METTL8: variants seen among roughly 807,000 people sequenced by gnomAD.
METTL8 encodes methyltransferase 8, tRNA N3-cytidine.
Under a neutral mutation model 48.7 loss-of-function variants are expected in METTL8, and 32 were observed. The ratio of observed to expected loss-of-function variants is 0.66; its 90% CI spans 0.50 to 0.88. METTL8 has a LOEUF of 0.88. METTL8 is among the 40% of genes least tolerant of loss of function. METTL8 has a pLI of 0.00. For missense variants in METTL8, 464 were observed against 474.4 expected (o/e 0.98, Z 0.20); for synonymous variants, 136 against 157.1 (o/e 0.87, Z 1.01).
chr2:171,349,742 T>C, intron 3 of METTL8, among the ~76,000 whole-genome samples: 1 of 152,216 alleles, frequency 6.6e-6, no homozygotes, highest in Admixed American at 6.5e-5. Flanking sequence ...ACTTCCATAC[T>C]GTTTTCCATA....
chr2:171,404,273 T>G (rs756229961), intron 1 of METTL8, among the ~76,000 whole-genome samples: 21 of 151,694 alleles, frequency 1.4e-4, no homozygotes, highest in Non-Finnish European at 2.7e-4. Flanking sequence ...AATGCCTACG[T>G]GATAAGATGC....
intron 1 of METTL8, among the ~76,000 whole-genome samples, chr2:171,401,622 T>C (rs1574146532): frequency 6.6e-6 from 1 of 152,172 alleles, no homozygotes; most frequent in East Asian, 1.9e-4. Context: ...CTAAGGGATT[T>C]AATGTAAGCT....
At chr2:171,406,980 C>G (rs1267281395) in intron 1 of METTL8, among the ~76,000 whole-genome samples, 1 of 151,846 alleles carries the variant, frequency 6.6e-6, no homozygotes, top group Non-Finnish European at 1.5e-5. Flanking sequence ...TTGATTTCCT[C>G]TACTACCTAG....
intron 1 of METTL8, among the ~76,000 whole-genome samples, chr2:171,405,754 A>T (rs1422415654): frequency 6.6e-6 from 1 of 152,220 alleles, no homozygotes; most frequent in Non-Finnish European, 1.5e-5. Context: ...GGAAATAAGT[A>T]CACAGAAAAC....
At chr2:171,380,412 G>C (rs1228129633) in intron 2 of METTL8, among the ~76,000 whole-genome samples, 1 of 152,186 alleles carries the variant, frequency 6.6e-6, no homozygotes, top group Non-Finnish European at 1.5e-5. Context: ...AATAAGGCTA[G>C]AGAAAGAAAT....
At chr2:171,405,949 TAAC>T (rs1457789478) in intron 1 of METTL8, among the ~76,000 whole-genome samples, 3 of 152,196 alleles carry the variant, frequency 2.0e-5, no homozygotes, top group African/African-American at 4.8e-5. Flanking sequence ...GAAAGGACAC[TAAC>T]AACATTTGAA....
intron 1 of METTL8, among the ~76,000 whole-genome samples, chr2:171,417,326 A>G (rs1328456820): frequency 1.3e-5 from 2 of 152,220 alleles, no homozygotes; most frequent in African/African-American, 4.8e-5. Context: ...TGCCAAGCTA[A>G]AAATCAGTAT....
At chr2:171,418,899 G>A (rs1276822385) in intron 1 of METTL8, among the ~76,000 whole-genome samples, 1 of 152,024 alleles carries the variant, frequency 6.6e-6, no homozygotes, top group African/African-American at 2.4e-5. Context: ...AGGCTGCAGT[G>A]AGCCGAGATC....
At chr2:171,330,404 A>G (rs1333540427) in intron 7 of METTL8, among the ~76,000 whole-genome samples, 155 bp downstream of exon 7, 2 of 152,252 alleles carry the variant, frequency 1.3e-5, no homozygotes, top group African/African-American at 2.4e-5. Context: ...AAGTACGAAG[A>G]AAGGAAAAAC....
At chr2:171,337,580 GA>G (rs1559064217) in intron 4 of METTL8, 78 bp from the exon 5 acceptor site, 1 of 1,064,968 alleles carries the variant, frequency 9.4e-7, no homozygotes, top group Non-Finnish European at 1.4e-6. Flanking sequence ...TCCTATTAAA[GA>G]AAAAAACAAT....
intron 2 of METTL8, among the ~76,000 whole-genome samples, chr2:171,376,277 G>A (rs1686952648): frequency 6.6e-6 from 1 of 152,062 alleles, no homozygotes; most frequent in African/African-American, 2.4e-5. Flanking sequence ...ATCCTTCAAA[G>A]CTCAAGTTAA....
At chr2:171,338,412 C>T (rs925928891) in intron 4 of METTL8, among the ~76,000 whole-genome samples, 65 of 151,812 alleles carry the variant, frequency 4.3e-4, no homozygotes, top group African/African-American at 1.5e-3. Flanking sequence ...CTGAGGCGGG[C>T]GGATCACCTG....
intron 3 of METTL8, among the ~76,000 whole-genome samples, chr2:171,356,873 A>G (rs1292373686): frequency 6.6e-6 from 1 of 151,886 alleles, no homozygotes; most frequent in East Asian, 1.9e-4. Context: ...TCCTGGCCAG[A>G]GACATTAGGC....
At chr2:171,356,954 T>TTTTTTTTTTTTTTG (rs1393563480) in intron 3 of METTL8, among the ~76,000 whole-genome samples, 12 of 642 alleles carry the variant, frequency 0.019, no homozygotes, top group Non-Finnish European at 0.076. Context: ...AAGACAATAT[T>TTTTTTTTTTTTTTG]TTTTTTTTTT....
At chr2:171,421,800 T>C (rs1485770294) in intron 1 of METTL8, among the ~76,000 whole-genome samples, 1 of 152,156 alleles carries the variant, frequency 6.6e-6, no homozygotes, top group Admixed American at 6.5e-5. Flanking sequence ...GACTTGAGGA[T>C]GTGTGGATTT....
At position 171,412,579 on chromosome 2, in the gene METTL8, C is replaced by G. The variant is rs540700861; in HGVS notation, c.-12-20382G>C. The stretch of plus-strand genomic sequence containing the variant: ...ATGATAATATCAACATATTATTTGC[C>G]TTAAAAAAAAAAAACACTGTAGTGC... On this transcript the variant is annotated intron_variant, in intron 1 of 9. Transcript: ENST00000375258. 6.6e-5 allele frequency among the ~76,000 whole-genome samples: 10 copies of G among 150,590 alleles called. No homozygotes were observed. In the South Asian group the frequency reaches 2.1e-3, roughly 32 times the overall value.
chr2:171,371,545 T>C (rs1267665210), intron 2 of METTL8, among the ~76,000 whole-genome samples: 1 of 151,904 alleles, frequency 6.6e-6, no homozygotes, highest in Non-Finnish European at 1.5e-5. Context: ...TTAGTAGAGA[T>C]GACGTTTCAC....
At chr2:171,419,359 AC>A (rs1217365003) in intron 1 of METTL8, among the ~76,000 whole-genome samples, 1 of 152,146 alleles carries the variant, frequency 6.6e-6, no homozygotes, top group Non-Finnish European at 1.5e-5. Flanking sequence ...TCTATATTAA[AC>A]TAGAGTTCAT....
At chr2:171,415,919 G>A (rs1460025703) in intron 1 of METTL8, among the ~76,000 whole-genome samples, 1 of 152,180 alleles carries the variant, frequency 6.6e-6, no homozygotes, top group Non-Finnish European at 1.5e-5. Context: ...GATTATGGAT[G>A]CTGATTAAGG....
Sources: allele counts gnomAD v4.1 joint callset (sites outside exome capture counted in the v4.1 genomes callset), GRCh38; gene constraint gnomAD v4.1.1; transcripts MANE v1.5; gene names NCBI Gene and HGNC (gene_info 2026-07-23, HGNC 2026-07-21).